IL1RAPL1: variants seen among roughly 807,000 people sequenced by gnomAD.
IL1RAPL1 encodes interleukin 1 receptor accessory protein like 1.
Under a neutral mutation model 48.4 loss-of-function variants are expected in IL1RAPL1, and 3 were observed. That is an observed-to-expected ratio of 0.06 (90% CI 0.03 to 0.16). The LOEUF (loss-of-function observed/expected upper bound fraction) is 0.16, where lower values mean the gene tolerates loss of function less well. Among genes scored for constraint, IL1RAPL1 ranks in the 10% least tolerant of loss-of-function variants. The pLI is 1.00. For synonymous variants in IL1RAPL1, 185 were observed against 187.7 expected, an observed-to-expected ratio of 0.99 and a Z score of 0.12; for missense variants, 349 against 530.6, an observed-to-expected ratio of 0.66 and a Z score of 3.36.
At chrX:29,053,300 C>G (rs1927138448) in intron 2 of IL1RAPL1, among the ~76,000 whole-genome samples, 1 of 111,761 alleles carries the variant, frequency 8.9e-6, no homozygotes, top group Non-Finnish European at 1.9e-5. Flanking sequence ...TAGGTTGATT[C>G]CACATCTTTG....
At chrX:29,320,292 A>G (rs7881668) in intron 3 of IL1RAPL1, among the ~76,000 whole-genome samples, 5,398 of 111,827 alleles carry the variant, frequency 0.048, 314 homozygotes, top group African/African-American at 0.16. Flanking sequence ...GATTTTCCTC[A>G]ACATATAAGA....
chrX:29,472,328 G>T (rs1323764350), intron 5 of IL1RAPL1, among the ~76,000 whole-genome samples: 1 of 111,006 alleles, frequency 9.0e-6, no homozygotes, highest in Non-Finnish European at 1.9e-5. Context: ...TTTCTCCTTG[G>T]CTAGTAAATG....
intron 2 of IL1RAPL1, among the ~76,000 whole-genome samples, chrX:29,188,704 G>A (rs368969080): frequency 1.9e-5 from 2 of 105,464 alleles, no homozygotes; most frequent in East Asian, 3.0e-4. Flanking sequence ...CTCCTGCCTC[G>A]GCCTCCCAAG....
At chrX:28,602,784 G>A (rs182128249) in intron 1 of IL1RAPL1, among the ~76,000 whole-genome samples, 1 of 111,109 alleles carries the variant, frequency 9.0e-6, no homozygotes, top group African/African-American at 3.3e-5. Context: ...TAATATTAGT[G>A]TTAATGTTAC....
At chrX:28,696,217 C>T (rs1212173918) in intron 1 of IL1RAPL1, among the ~76,000 whole-genome samples, 2 of 110,938 alleles carry the variant, frequency 1.8e-5, no homozygotes, top group Non-Finnish European at 3.8e-5. Context: ...ACCAGCCATC[C>T]CTTGCAGTCA....
intron 3 of IL1RAPL1, among the ~76,000 whole-genome samples, chrX:29,375,626 C>T (rs55801201): frequency 8.9e-6 from 1 of 111,984 alleles, no homozygotes; most frequent in Admixed American, 9.5e-5. Context: ...TGGTTAGCCA[C>T]TTAAAATGTG....
At chrX:29,495,858 T>C (rs934560596) in intron 5 of IL1RAPL1, among the ~76,000 whole-genome samples, 1 of 111,333 alleles carries the variant, frequency 9.0e-6, no homozygotes, top group Non-Finnish European at 1.9e-5. Flanking sequence ...TCTCTGTCTC[T>C]GTCCCTGTCT....
chrX:29,104,562 C>T (rs1212064482), intron 2 of IL1RAPL1, among the ~76,000 whole-genome samples: 2 of 110,527 alleles, frequency 1.8e-5, no homozygotes, highest in African/African-American at 3.3e-5. Context: ...TTTGATAGCA[C>T]AACAGGCTGA....
At chrX:29,106,812 A>AT (rs1289667656) in intron 2 of IL1RAPL1, among the ~76,000 whole-genome samples, 3 of 111,082 alleles carry the variant, frequency 2.7e-5, no homozygotes, top group Admixed American at 9.7e-5. Context: ...CTTTGTACAG[A>AT]TTTTTTTATT....
At chrX:28,797,561 A>G (rs1310170562) in intron 2 of IL1RAPL1, among the ~76,000 whole-genome samples, 1 of 111,423 alleles carries the variant, frequency 9.0e-6, no homozygotes, top group African/African-American at 3.3e-5. Flanking sequence ...AAAACATAAC[A>G]AGAGTCACCT....
At chrX:28,774,802 G>A (rs1045120388) in intron 1 of IL1RAPL1, among the ~76,000 whole-genome samples, 4 of 111,255 alleles carry the variant, frequency 3.6e-5, no homozygotes, top group African/African-American at 1.3e-4. Context: ...AAAACAAAAC[G>A]ACTTCCTGAC....
chrX:29,641,636 T>G (rs1193640743), intron 5 of IL1RAPL1, among the ~76,000 whole-genome samples: 1 of 112,396 alleles, frequency 8.9e-6, no homozygotes, highest in African/African-American at 3.2e-5. Context: ...TTTGTTTCGT[T>G]CACTGCCAGT....
At chrX:29,323,537 A>G (rs1932817641) in intron 3 of IL1RAPL1, among the ~76,000 whole-genome samples, 1 of 100,479 alleles carries the variant, frequency 1.0e-5, no homozygotes, top group Non-Finnish European at 2.0e-5. Context: ...TCCTGCAGTC[A>G]CCTTTTGGAT....
At chrX:29,633,445 G>A (rs1457336880) in intron 5 of IL1RAPL1, among the ~76,000 whole-genome samples, 1 of 105,428 alleles carries the variant, frequency 9.5e-6, no homozygotes, top group African/African-American at 3.6e-5. Context: ...TGTTCAGTTT[G>A]TGACAATTTA....
intron 9 of IL1RAPL1, among the ~76,000 whole-genome samples, chrX:29,950,419 C>G (rs1933290777): frequency 8.9e-6 from 1 of 111,970 alleles, no homozygotes; most frequent in African/African-American, 3.2e-5. Flanking sequence ...TGGCAGATAA[C>G]TGCAGTTGTT....
chrX:28,959,758 C>G (rs1924718520), intron 2 of IL1RAPL1, among the ~76,000 whole-genome samples: 1 of 111,845 alleles, frequency 8.9e-6, no homozygotes, highest in Non-Finnish European at 1.9e-5. Flanking sequence ...TTCACTTTTA[C>G]TGTATTTTGG....
intron 1 of IL1RAPL1, among the ~76,000 whole-genome samples, chrX:28,767,425 T>C (rs1386116032): frequency 1.8e-5 from 2 of 110,946 alleles, no homozygotes; most frequent in Non-Finnish European, 3.8e-5. Context: ...AGATAGTTGA[T>C]ATGGAAAATA....
chrX:29,603,083 T>C (rs1347833897), intron 5 of IL1RAPL1, among the ~76,000 whole-genome samples: 1 of 110,300 alleles, frequency 9.1e-6, no homozygotes, highest in Non-Finnish European at 1.9e-5. Flanking sequence ...CTGGCCAAGC[T>C]GGTGAAACCC....
chrX:29,356,436 T>G (rs1933303825), intron 3 of IL1RAPL1, among the ~76,000 whole-genome samples: 1 of 80,566 alleles, frequency 1.2e-5, no homozygotes, highest in Non-Finnish European at 2.5e-5. Flanking sequence ...TCTACATCTT[T>G]ACTAAGCACT....
Sources: allele counts gnomAD v4.1 joint callset (sites outside exome capture counted in the v4.1 genomes callset), GRCh38; gene constraint gnomAD v4.1.1; transcripts MANE v1.5; gene names NCBI Gene and HGNC (gene_info 2026-07-23, HGNC 2026-07-21).